QSER1: variants seen among roughly 807,000 people sequenced by gnomAD.
QSER1 encodes the protein glutamine and serine rich 1.
A neutral mutation model predicts 158.5 loss-of-function variants in QSER1; 49 were observed. The observed-to-expected ratio is 0.31, with a 90% CI of 0.25 to 0.39. QSER1 has a LOEUF of 0.39. Among genes scored for constraint, QSER1 ranks in the 10% least tolerant of loss-of-function variants. The pLI is 1.00. For missense variants in QSER1, 1,754 were observed against 2,010.3 expected (o/e 0.87, Z 2.44); for synonymous variants, 650 against 715.5 (o/e 0.91, Z 1.46).
chr11:32,946,730 G>A (rs1263059837), intron 4 of QSER1, among the ~76,000 whole-genome samples: 2 of 152,024 alleles, frequency 1.3e-5, no homozygotes, highest in African/African-American at 4.8e-5. Flanking sequence ...GAGGCAGGCA[G>A]GCCTCCTTGA....
chr11:32,975,483 A>G (rs1852959545), intron 12 of QSER1, 140 bp downstream of exon 12: 2 of 1,503,158 alleles, frequency 1.3e-6, no homozygotes, highest in Admixed American at 2.0e-5. Flanking sequence ...GTAAATAATG[A>G]CTTGATTTAT....
rs1486557051 is a variant in QSER1, at chr11:32,979,074, T to G, written c.*2600T>G. 6.6e-6 allele frequency: 1 copy of G among 152,388 alleles called. No individual in the cohort carries two copies. The highest frequency in any genetic ancestry group is 1.5e-5 in the Non-Finnish European group (1 of 68,040). The allele number at this position is 152,388 out of a possible 1,614,324, so 9.4% of individuals were successfully genotyped here. The stretch of plus-strand genomic sequence containing the variant: ...CAGTTGTAACACAATGGTATTTGTG[T>G]ATCTAGACATAGAAAACATACAGTA... On this transcript the variant is annotated 3_prime_UTR_variant, in exon 13 of 13. Coordinates refer to ENST00000650167, the MANE Select transcript of QSER1 (RefSeq NM_001076786.3).
At chr11:32,960,659 G>A (rs370749149) in intron 8 of QSER1, among the ~76,000 whole-genome samples, 1 of 152,220 alleles carries the variant, frequency 6.6e-6, no homozygotes, top group African/African-American at 2.4e-5. Context: ...GCAGTTAGCA[G>A]TCTTGCCTAC....
intron 3 of QSER1, 109 bp from the exon 4 acceptor site, chr11:32,931,634 T>C: frequency 1.2e-6 from 1 of 820,684 alleles, no homozygotes; most frequent in Non-Finnish European, 1.9e-6. Flanking sequence ...GTCAGGTTTT[T>C]CAGTCTTAAG....
intron 8 of QSER1, among the ~76,000 whole-genome samples, chr11:32,965,117 C>A (rs906903310): frequency 6.6e-6 from 1 of 151,330 alleles, no homozygotes; most frequent in Non-Finnish European, 1.5e-5. Context: ...TTCTTTTTTT[C>A]TTTTTCTTTA....
chr11:32,934,198 AGAT>A lies in QSER1; in HGVS notation c.2944_2946del (p.Asp982del). On this transcript the variant is annotated inframe_deletion, in exon 4 of 13. Coordinates refer to ENST00000650167, the MANE Select transcript of QSER1 (RefSeq NM_001076786.3). ...ATGAAAGAAATATTTTATCAAATGT[AGAT>A]GATATCTTAGCAGCTACAGCAGCAG... 1.2e-6 allele frequency: 2 copies of A among 1,614,034 alleles called. No individual in the cohort carries two copies. Among genetic ancestry groups the A allele is most frequent in the South Asian group, 2.2e-5 (2 of 91,054 alleles).
intron 1 of QSER1, among the ~76,000 whole-genome samples, chr11:32,925,299 A>G (rs1057108775): frequency 1.3e-5 from 2 of 152,164 alleles, no homozygotes; most frequent in Non-Finnish European, 2.9e-5. Flanking sequence ...GATTTGAATA[A>G]ACTTCACTAG....
intron 1 of QSER1, among the ~76,000 whole-genome samples, chr11:32,903,593 TTTTA>T (rs1011047534): frequency 4.6e-5 from 7 of 150,778 alleles, no homozygotes; most frequent in Middle Eastern, 3.4e-3. Flanking sequence ...TCAGTAAGTT[TTTTA>T]TTTGTTTGTT....
chr11:32,952,747 CTT>C (rs537332686), intron 4 of QSER1, among the ~76,000 whole-genome samples: 4 of 129,480 alleles, frequency 3.1e-5, no homozygotes, highest in Non-Finnish European at 3.4e-5. Flanking sequence ...TTTAAAATTA[CTT>C]TTTTTTTTTT....
chr11:32,965,741 G>A (rs1034827208), intron 8 of QSER1, among the ~76,000 whole-genome samples: 1 of 152,222 alleles, frequency 6.6e-6, no homozygotes, highest in Admixed American at 6.5e-5. Context: ...GAGGTCAGGA[G>A]TTCAAGACCA....
intron 4 of QSER1, among the ~76,000 whole-genome samples, chr11:32,946,831 C>T (rs1461532453): frequency 6.6e-6 from 1 of 152,058 alleles, no homozygotes; most frequent in Non-Finnish European, 1.5e-5. Context: ...ACCCCAGCCT[C>T]GCTGCCACCT....
intron 1 of QSER1, among the ~76,000 whole-genome samples, chr11:32,902,748 A>G (rs1187340539): frequency 6.6e-6 from 1 of 152,210 alleles, no homozygotes; most frequent in Non-Finnish European, 1.5e-5. Flanking sequence ...TGTAGGTGAT[A>G]GTGTCTATTA....
rs1190058585 is a variant in QSER1 at position 32,893,196 on chromosome 11, C to CCCCCGT, written c.77_82dup (p.Val26_Pro27dup). On this transcript the variant is annotated inframe_insertion, in exon 1 of 13. Transcript: ENST00000650167. The surrounding 1 kb of genome is among the most constrained non-coding windows in gnomAD (Gnocchi z 4.7). ...CCGCCGCCGCCCGCGCCCCCCGCCG[C>CCCCCGT]CCCCGTCCCCGCCAGCGCCGCTGCG... The CCCCCGT allele has an allele frequency of 3.1e-4, 46 of 148,866 alleles. No homozygotes were observed. The highest frequency in any genetic ancestry group is 1.0e-3 in the African/African-American group (42 of 40,350). 9.2% of individuals were successfully genotyped at this position (148,866 alleles called of 1,614,324 possible).
chr11:32,895,512 C>T (rs1851543487), intron 1 of QSER1, among the ~76,000 whole-genome samples: 1 of 152,160 alleles, frequency 6.6e-6, no homozygotes, highest in African/African-American at 2.4e-5. Flanking sequence ...ATATTCTACA[C>T]TTCAGAAGCT....
At chr11:32,906,104 G>GTT (rs374193235) in intron 1 of QSER1, among the ~76,000 whole-genome samples, 116 of 118,402 alleles carry the variant, frequency 9.8e-4, no homozygotes, top group African/African-American at 2.8e-3. Flanking sequence ...CTATTTTTTA[G>GTT]TTTTTTTTTT....
chr11:32,955,881 A>G lies in QSER1; in HGVS notation c.4618-107A>G, dbSNP rs542207893. The G allele has an allele frequency of 1.1e-5, 11 of 1,038,268 alleles. No homozygotes were observed. In the East Asian group the frequency reaches 2.7e-4, roughly 25 times the overall value. 64.3% of individuals were successfully genotyped at this position (1,038,268 alleles called of 1,614,324 possible). On this transcript the variant is annotated intron_variant, in intron 6 of 12. Coordinates refer to ENST00000650167, the MANE Select transcript of QSER1 (RefSeq NM_001076786.3). ...GTAAAATTAGCCTGGCCAGAGCTGC[A>G]TTTTAGAAAACTTGAAGGTTGGCTA...
chr11:32,929,511 A>G (rs1852017773), intron 3 of QSER1, among the ~76,000 whole-genome samples: 1 of 152,166 alleles, frequency 6.6e-6, no homozygotes. Context: ...TTTTTCTTAG[A>G]GCACGACTGA....
chr11:32,978,026 A>C lies in QSER1; in HGVS notation c.*1552A>C, dbSNP rs1418155744. 6.6e-6 allele frequency: 1 copy of C among 152,640 alleles called. No homozygotes were observed. The highest frequency in any genetic ancestry group is 1.9e-4 in the East Asian group (1 of 5,198). The allele number at this position is 152,640 out of a possible 1,614,324, so 9.5% of individuals were successfully genotyped here. A position where few individuals can be genotyped will look rare whatever the true frequency, so the allele number is the denominator to read the frequency against. The stretch of plus-strand genomic sequence containing the variant: ...GTAATGTGATTTGATTTGAGAATAA[A>C]ACATTGTAGCATTGGGTGAAAAATG... On this transcript the variant is annotated 3_prime_UTR_variant, in exon 13 of 13. Coordinates refer to ENST00000650167, the MANE Select transcript of QSER1 (RefSeq NM_001076786.3).
intron 1 of QSER1, among the ~76,000 whole-genome samples, chr11:32,896,032 A>G (rs1330984317): frequency 6.6e-6 from 1 of 152,196 alleles, no homozygotes; most frequent in Non-Finnish European, 1.5e-5. Flanking sequence ...CTGGCCATAT[A>G]AATCTTCATT....
Sources: allele counts gnomAD v4.1 joint callset (sites outside exome capture counted in the v4.1 genomes callset), GRCh38; gene constraint gnomAD v4.1.1; non-coding constraint Gnocchi (gnomAD v3.1); transcripts MANE v1.5; gene names NCBI Gene and HGNC (gene_info 2026-07-23, HGNC 2026-07-21).